RTEL1: variants seen among roughly 807,000 people sequenced by gnomAD.
RTEL1 encodes regulator of telomere elongation helicase 1.
A neutral mutation model predicts 162.2 loss-of-function variants in RTEL1; 86 were observed. The observed-to-expected ratio is 0.53, with a 90% CI of 0.45 to 0.63. The LOEUF (loss-of-function observed/expected upper bound fraction) is 0.63. Ranked by LOEUF, RTEL1 falls within the 30% of genes least tolerant of loss-of-function variation. The pLI is 0.00. For missense variants in RTEL1, 1,941 were observed against 1,750.2 expected (o/e 1.11, Z -1.95); for synonymous variants, 958 against 717.9 (o/e 1.33, Z -5.35).
intron 6 of RTEL1, chr20:63,665,198 T>G (rs1034864529): frequency 5.9e-5 from 9 of 152,824 alleles, no homozygotes; most frequent in Non-Finnish European, 1.2e-4. Context: ...GCCTGGCACC[T>G]CCTGGGGACA....
At chr20:63,688,836 C>G (rs989257762) in intron 21 of RTEL1, 1 of 639,114 alleles carries the variant, frequency 1.6e-6, no homozygotes, top group Admixed American at 2.9e-5. Flanking sequence ...TAGCCCTAGT[C>G]GGCCACCCTG....
intron 14 of RTEL1, chr20:63,682,338 G>A (rs751178074): frequency 1.0e-6 from 1 of 984,138 alleles, no homozygotes; most frequent in Non-Finnish European, 1.2e-6. Flanking sequence ...CCTGGAACGC[G>A]GCCTCCCAGG....
At position 63,695,316 on chromosome 20, in the gene RTEL1, C is replaced by G. The variant is rs747484884; in HGVS notation, c.3500-12C>G. ...CCCCAGGCCCCCCTCAGACTCAAGT[C>G]TCTGTCTCCAGGCCCCTCACGGTCC... On this transcript the variant is annotated splice_polypyrimidine_tract_variant and intron_variant, in intron 33 of 34. Transcript: ENST00000360203. 5 of 1,572,860 alleles carry G rather than the reference C, an allele frequency of 3.2e-6. No individual in the cohort carries two copies. The highest frequency in any genetic ancestry group is 2.2e-5 in the East Asian group (1 of 44,452).
rs1177703526 is a variant in RTEL1 at position 63,661,142 on chromosome 20, G to A, written c.103-156G>A. On this transcript the variant is annotated intron_variant, in intron 2 of 34. Transcript: ENST00000360203. This position sits in a 1 kb window ranked among gnomAD's most constrained non-coding sequence, Gnocchi z 5.1. ...AGGGCAAGAGTGGGACTTGCCTGTG[G>A]ACTTCTCCGCGGTCCCACAGGGCTC... Among the ~76,000 whole-genome samples, 1 of 152,254 alleles carries A rather than the reference G, an allele frequency of 6.6e-6. No individual in the cohort carries two copies. The highest frequency in any genetic ancestry group is 1.9e-4 in the East Asian group (1 of 5,190).
chr20:63,694,334 C>G, intron 30 of RTEL1, 38 bp from the exon 31 acceptor site: 1 of 790,638 alleles, frequency 1.3e-6, no homozygotes, highest in Non-Finnish European at 2.1e-6. Context: ...TTTCCAGATG[C>G]TCTCGACCAG....
chr20:63,661,703 C>T lies in RTEL1; in HGVS notation c.302-147C>T, dbSNP rs1234020130. 12 of 872,096 alleles carry T rather than the reference C, an allele frequency of 1.4e-5. No individual in the cohort carries two copies. The highest frequency in any genetic ancestry group is 2.2e-5 in the Non-Finnish European group (12 of 552,498). 54.0% of individuals were successfully genotyped at this position (872,096 alleles called of 1,614,324 possible). ...GCTGAATTAGGGCACGGCAGATGCC[C>T]ACTTCACCCATTTTTGATAAACCAG... On this transcript the variant is annotated intron_variant, in intron 3 of 34. Transcript: ENST00000360203. This position sits in a 1 kb window ranked among gnomAD's most constrained non-coding sequence, Gnocchi z 5.1.
chr20:63,669,593 C>G (rs1285726451), intron 8 of RTEL1, among the ~76,000 whole-genome samples: 2 of 152,256 alleles, frequency 1.3e-5, no homozygotes, highest in African/African-American at 4.8e-5. Flanking sequence ...TCTCCCATAA[C>G]TAAGCAAACA....
chr20:63,677,439 A>T (rs1441506809), intron 10 of RTEL1, among the ~76,000 whole-genome samples: 1 of 152,094 alleles, frequency 6.6e-6, no homozygotes, highest in African/African-American at 2.4e-5. Context: ...ACAGGGTGAA[A>T]CCCCATCTCT....
chr20:63,687,687 G>A lies in RTEL1; in HGVS notation c.1398G>A (p.Glu466=). The stretch of plus-strand genomic sequence containing the variant: ...TCAGTCCCGGCCACAGCATGCACGA[G>A]CTGGTCCGCCAGGGCGTCCGCTCCC... ...WCFSPGHSMH[E]LVRQGVRSLI... is the part of the protein sequence containing the mutation. The change falls in exon 17 of 35, where the codon GAG becomes GAA. Residue 466 remains glutamate, a synonymous_variant. Coordinates refer to ENST00000360203, the MANE Select transcript of RTEL1 (RefSeq NM_001283009.2). 5 of 1,608,838 alleles carry A rather than the reference G, an allele frequency of 3.1e-6. No homozygotes were observed. Among genetic ancestry groups the A allele is most frequent in the African/African-American group, 1.3e-5 (1 of 74,974 alleles).
intron 10 of RTEL1, among the ~76,000 whole-genome samples, chr20:63,674,675 G>A (rs2090313565): frequency 6.6e-6 from 1 of 151,822 alleles, no homozygotes; most frequent in African/African-American, 2.4e-5. Flanking sequence ...ACTCCAGCCT[G>A]GGCGGCAGAG....
Position 63,661,207 on chromosome 20 carries a change from C to A in RTEL1, c.103-91C>A. On this transcript the variant is annotated intron_variant, in intron 2 of 34. Coordinates refer to ENST00000360203, the MANE Select transcript of RTEL1 (RefSeq NM_001283009.2). The surrounding 1 kb of genome is among the most constrained non-coding windows in gnomAD (Gnocchi z 5.1). ...TGGCCTCTGCATCTGCAAAGAGCTG[C>A]CCGCTGGCTGCCGAAGCTTGTCTCA... The A allele has an allele frequency of 8.2e-7, 1 of 1,226,670 alleles. No individual in the cohort carries two copies. Among genetic ancestry groups the A allele is most frequent in the South Asian group, 1.3e-5 (1 of 75,536 alleles). The allele number at this position is 1,226,670 out of a possible 1,614,324, so 76.0% of individuals were successfully genotyped here. A position where few individuals can be genotyped will look rare whatever the true frequency, so the allele number is the denominator to read the frequency against.
intron 2 of RTEL1, among the ~76,000 whole-genome samples, 160 bp downstream of exon 2, chr20:63,659,664 A>C (rs1279492151): frequency 6.6e-6 from 1 of 152,198 alleles, no homozygotes; most frequent in Admixed American, 6.6e-5. Flanking sequence ...CAGAGAGAGG[A>C]TTGACAAGTA....
At chr20:63,669,687 C>T (rs1194745997) in intron 8 of RTEL1, among the ~76,000 whole-genome samples, 2 of 149,804 alleles carry the variant, frequency 1.3e-5, no homozygotes, top group African/African-American at 2.5e-5. Flanking sequence ...GGAGAGCATC[C>T]GGACAGACGT....
intron 10 of RTEL1, among the ~76,000 whole-genome samples, chr20:63,676,790 C>T (rs1416993057): frequency 6.6e-6 from 1 of 152,178 alleles, no homozygotes; most frequent in African/African-American, 2.4e-5. Context: ...AAAAAATTAG[C>T]CAGGTGTGGT....
chr20:63,694,970 G>C lies in RTEL1; in HGVS notation c.3339G>C (p.Leu1113=). 6.2e-7 allele frequency: 1 copy of C among 1,612,402 alleles called. No homozygotes were observed. The stretch of plus-strand genomic sequence containing the variant: ...CAAAGCCAGAGGACTTCCCCCTGCT[G>C]CACAGCAAGTGGCCCTGGCGTGGGG... The part of the protein sequence containing the change: ...TTAKPEDFPL[L]HRFSMFVRPH... Residue 1113 remains leucine (L), a synonymous_variant, in exon 32 of 35, where the codon CTG becomes CTC. Transcript: ENST00000360203.
At chr20:63,676,000 G>A (rs548041628) in intron 10 of RTEL1, among the ~76,000 whole-genome samples, 1 of 152,214 alleles carries the variant, frequency 6.6e-6, no homozygotes, top group East Asian at 1.9e-4. Flanking sequence ...TGTAACTAGT[G>A]GGGGACGTGT....
intron 13 of RTEL1, 52 bp downstream of exon 13, chr20:63,679,998 C>T (rs765380285): frequency 1.5e-5 from 20 of 1,314,152 alleles, no homozygotes; most frequent in Non-Finnish European, 2.1e-5. Context: ...GTAGGGGGTG[C>T]AGCAGGCCTC....
At chr20:63,686,456 A>C in intron 16 of RTEL1, 1 of 153,490 alleles carries the variant, frequency 6.5e-6, no homozygotes, top group Non-Finnish European at 1.4e-5. Context: ...ATCTGGCCCC[A>C]CCCCCACTGC....
In RTEL1 at chr20:63,695,110, C is replaced by G; in HGVS notation, c.3388C>G (p.Gln1130Glu). ...VRPHHKQRFS[Q>E]TCTDLTGRPY... Reference sequence around the variant, plus strand: ...TCCACACCACAAGCAGCGCTTCTCACAGACGTGCACAGACCTGACCGGCCG... The same window carrying G: ...TCCACACCACAAGCAGCGCTTCTCAGAGACGTGCACAGACCTGACCGGCCG... The change falls in exon 33 of 35, where the codon CAG (glutamine) becomes GAG (glutamate). Residue 1130 changes from glutamine to glutamate, a missense_variant. Gln to Glu is a conservative substitution (Grantham distance 29). Transcript: ENST00000360203. The G allele has an allele frequency of 6.2e-7, 1 of 1,612,384 alleles. No homozygotes were observed. Among genetic ancestry groups the G allele is most frequent in the African/African-American group, 1.3e-5 (1 of 75,030 alleles).
Sources: gnomAD v4.1 joint callset for allele counts (sites outside exome capture counted in the v4.1 genomes callset) on GRCh38, gnomAD v4.1.1 for gene constraint, Gnocchi (gnomAD v3.1) non-coding constraint, MANE v1.5 for transcripts, NCBI Gene and HGNC (gene_info 2026-07-23, HGNC 2026-07-21) for gene names.